The following CADPS variants were observed in gnomAD, a reference collection of about 807,000 sequenced individuals.
CADPS encodes the protein calcium-dependent secretion activator 1.
In CADPS, 57 loss-of-function variants were observed where a neutral mutation model predicts 167.3. The ratio of observed to expected loss-of-function variants is 0.34; its 90% CI spans 0.28 to 0.42. The LOEUF is 0.42. Ranked by LOEUF, CADPS falls within the 20% of genes least tolerant of loss-of-function variation. The pLI, the probability that CADPS is intolerant of heterozygous loss-of-function variation, is 1.00. For synonymous variants in CADPS, 676 were observed against 635.3 expected, an observed-to-expected ratio of 1.06 and a Z score of -0.96; for missense variants, 1,414 against 1,738.1, an observed-to-expected ratio of 0.81 and a Z score of 3.32.
chr3:62,577,025 C>T (rs1203234767), intron 8 of CADPS, among the ~76,000 whole-genome samples: 2 of 151,680 alleles, frequency 1.3e-5, no homozygotes, highest in African/African-American at 4.8e-5. Context: ...TATGAGAGAC[C>T]AGAGTGAGCG....
chr3:62,642,732 A>T (rs2067679395), intron 6 of CADPS, among the ~76,000 whole-genome samples: 1 of 152,070 alleles, frequency 6.6e-6, no homozygotes, highest in Non-Finnish European at 1.5e-5. Flanking sequence ...AACATGGTGA[A>T]ACCCCATCTC....
At chr3:62,705,169 T>C (rs557213372) in intron 3 of CADPS, among the ~76,000 whole-genome samples, 311 of 152,206 alleles carry the variant, frequency 2.0e-3, no homozygotes, top group Middle Eastern at 3.4e-3. Flanking sequence ...TTTGAGTAAC[T>C]CTCTCACCAT....
chr3:62,476,831 A>G (rs539429302), intron 23 of CADPS, among the ~76,000 whole-genome samples: 20 of 152,276 alleles, frequency 1.3e-4, no homozygotes, highest in Admixed American at 1.3e-3. Context: ...AGATCACGCA[A>G]AAAGTTTTTT....
At chr3:62,823,568 A>AG (rs1159185732) in intron 1 of CADPS, among the ~76,000 whole-genome samples, 1 of 152,174 alleles carries the variant, frequency 6.6e-6, no homozygotes, top group Admixed American at 6.5e-5. Flanking sequence ...GACTTCAAAG[A>AG]GGGGGAAAGA....
chr3:62,788,650 A>T (rs1428680352), intron 1 of CADPS, among the ~76,000 whole-genome samples: 1 of 152,062 alleles, frequency 6.6e-6, no homozygotes, highest in Admixed American at 6.6e-5. Context: ...GTTGGTAGGG[A>T]TTTCCTGCAG....
chr3:62,814,914 T>G (rs369396360), intron 1 of CADPS, among the ~76,000 whole-genome samples: 8 of 152,326 alleles, frequency 5.3e-5, no homozygotes, highest in African/African-American at 1.9e-4. Flanking sequence ...TATAACATTT[T>G]AAAAGTTAAC....
At chr3:62,445,079 C>G in intron 27 of CADPS, among the ~76,000 whole-genome samples, 1 of 152,154 alleles carries the variant, frequency 6.6e-6, no homozygotes, top group East Asian at 1.9e-4. Flanking sequence ...ATAAATGTAT[C>G]CTGATTTATC....
At chr3:62,684,847 C>G (rs2077720700) in intron 3 of CADPS, among the ~76,000 whole-genome samples, 1 of 151,926 alleles carries the variant, frequency 6.6e-6, no homozygotes, top group East Asian at 1.9e-4. Flanking sequence ...TGCAAGACGA[C>G]ATTTACTAGA....
chr3:62,871,243 G>A (rs768131831), intron 1 of CADPS, among the ~76,000 whole-genome samples: 11 of 151,998 alleles, frequency 7.2e-5, no homozygotes, highest in Non-Finnish European at 1.0e-4. Context: ...GTGTTCTTCC[G>A]AGCTAAAATC....
At chr3:62,779,647 G>A (rs1576306123) in intron 1 of CADPS, 10 of 529,588 alleles carry the variant, frequency 1.9e-5, no homozygotes, top group Non-Finnish European at 3.1e-5. Flanking sequence ...GGCATAGGCT[G>A]TCTCCTTACC....
intron 1 of CADPS, among the ~76,000 whole-genome samples, chr3:62,832,801 G>T (rs569478468): frequency 6.6e-6 from 1 of 152,212 alleles, no homozygotes; most frequent in Non-Finnish European, 1.5e-5. Context: ...GCCAACTATT[G>T]CAACTGCTGA....
At chr3:62,685,505 A>C (rs1357839801) in intron 3 of CADPS, among the ~76,000 whole-genome samples, 1 of 152,028 alleles carries the variant, frequency 6.6e-6, no homozygotes, top group Non-Finnish European at 1.5e-5. Flanking sequence ...GGAGTTTAAT[A>C]AACTGAAGTC....
chr3:62,698,757 T>C (rs76079550), intron 3 of CADPS, among the ~76,000 whole-genome samples: 1,475 of 79,054 alleles, frequency 0.019, 32 homozygotes, highest in South Asian at 0.035. Context: ...TTTTTTTTTT[T>C]CAGACAGGGT....
rs973579153 is a variant in CADPS at position 62,398,908 on chromosome 3, A to G, written c.*498T>C. 7 of 152,314 alleles carry G rather than the reference A, an allele frequency of 4.6e-5. No individual in the cohort carries two copies. Among genetic ancestry groups the G allele is most frequent in the African/African-American group, 1.7e-4 (7 of 41,460 alleles). The allele number at this position is 152,314 out of a possible 1,614,324, so 9.4% of individuals were successfully genotyped here. A position where few individuals can be genotyped will look rare whatever the true frequency, so the allele number is the denominator to read the frequency against. The stretch of plus-strand genomic sequence containing the variant: ...AGGGGAACAGAAAGCATCAAAAGTT[A>G]ATTGTTGGAGACTTGCCTTTTGTTT... On this transcript the variant is annotated 3_prime_UTR_variant, in exon 30 of 30. Transcript: ENST00000383710.
chr3:62,587,521 A>G (rs1361611606), intron 7 of CADPS, among the ~76,000 whole-genome samples: 1 of 152,162 alleles, frequency 6.6e-6, no homozygotes, highest in Non-Finnish European at 1.5e-5. Flanking sequence ...GAAGCCAGAA[A>G]GGGAGGTGCT....
intron 1 of CADPS, among the ~76,000 whole-genome samples, chr3:62,795,558 G>A (rs1193942262): frequency 2.0e-5 from 3 of 152,124 alleles, no homozygotes; most frequent in South Asian, 4.1e-4. Context: ...GGTCCATCTC[G>A]CTTTACCAAC....
At chr3:62,819,967 T>A (rs1252315261) in intron 1 of CADPS, among the ~76,000 whole-genome samples, 1 of 152,176 alleles carries the variant, frequency 6.6e-6, no homozygotes, top group African/African-American at 2.4e-5. Context: ...CTGATATCTT[T>A]GAGTCTTTCT....
At chr3:62,575,251 T>C (rs1208696305) in intron 8 of CADPS, among the ~76,000 whole-genome samples, 1 of 152,212 alleles carries the variant, frequency 6.6e-6, no homozygotes, top group East Asian at 1.9e-4. Context: ...TATTTCTTCA[T>C]AATAAAAACA....
chr3:62,574,373 G>A (rs531028081), intron 8 of CADPS, among the ~76,000 whole-genome samples: 3 of 150,250 alleles, frequency 2.0e-5, no homozygotes, highest in Admixed American at 1.3e-4. Context: ...ACTGTAGGAG[G>A]AAGCGGGGCA....
Sources: gnomAD v4.1 joint callset for allele counts (sites outside exome capture counted in the v4.1 genomes callset) on GRCh38, gnomAD v4.1.1 for gene constraint, MANE v1.5 for transcripts, NCBI Gene and HGNC (gene_info 2026-07-23, HGNC 2026-07-21) for gene names.